SPAG16: variants seen among roughly 807,000 people sequenced by gnomAD.
The protein encoded by SPAG16 is sperm-associated antigen 16 protein.
SPAG16 carries 86 observed loss-of-function variants against 80.4 expected under a neutral mutation model. The observed-to-expected ratio is 1.07, with a 90% CI of 0.90 to 1.28. The LOEUF (loss-of-function observed/expected upper bound fraction) is 1.28, where lower values mean the gene tolerates loss of function less well. SPAG16 is among the 50% of genes most tolerant of loss of function. SPAG16 has a pLI of 0.00. For synonymous variants in SPAG16, 294 were observed against 265.9 expected (o/e 1.11, Z -1.03); for missense variants, 870 against 765.3 (o/e 1.14, Z -1.61).
chr2:213,691,995 A>T (rs1337457211), intron 10 of SPAG16, among the ~76,000 whole-genome samples: 1 of 152,246 alleles, frequency 6.6e-6, no homozygotes, highest in African/African-American at 2.4e-5. Flanking sequence ...TCCCAAAGCC[A>T]AAATGATAAA....
At chr2:213,954,464 TTATG>T (rs1214386617) in intron 12 of SPAG16, among the ~76,000 whole-genome samples, 3 of 152,108 alleles carry the variant, frequency 2.0e-5, no homozygotes, top group African/African-American at 7.2e-5. Flanking sequence ...TATGAAATAT[TTATG>T]TACAGGTTTT....
At chr2:213,350,679 C>CA in intron 7 of SPAG16, 34 bp downstream of exon 7, 2 of 1,217,246 alleles carry the variant, frequency 1.6e-6, no homozygotes, top group Non-Finnish European at 2.3e-6. Flanking sequence ...TTAAAATGAT[C>CA]TTTTAATCAT....
intron 4 of SPAG16, 138 bp from the exon 5 acceptor site, chr2:213,317,081 G>T (rs984986806): frequency 2.0e-6 from 1 of 504,652 alleles, no homozygotes; most frequent in East Asian, 2.9e-5. Context: ...ATGACTGTTG[G>T]ACATTTTAAC....
At chr2:214,144,124 G>C (rs916863531) in intron 14 of SPAG16, among the ~76,000 whole-genome samples, 2 of 151,992 alleles carry the variant, frequency 1.3e-5, no homozygotes, top group African/African-American at 2.4e-5. Context: ...TCCACCCTGG[G>C]CAACAGAACA....
chr2:213,759,519 C>G (rs926382177), intron 10 of SPAG16, among the ~76,000 whole-genome samples: 5 of 150,710 alleles, frequency 3.3e-5, no homozygotes, highest in Non-Finnish European at 7.4e-5. Context: ...TTTGAAGGAG[C>G]CGAGTTTTTA....
chr2:214,184,943 T>G (rs1017762095), intron 15 of SPAG16, among the ~76,000 whole-genome samples: 12 of 152,128 alleles, frequency 7.9e-5, no homozygotes, highest in Non-Finnish European at 1.6e-4. Context: ...TTAAAAATTT[T>G]TTTTTTGCTT....
rs867900282 is a variant in SPAG16 at position 214,006,729 on chromosome 2, G to A, written c.1401-7222G>A. ...TTCACCTTCCAAAGAAATTCTGAAT[G>A]GGCCTTCCTTCTCTGGCAGCTAATT... On this transcript the variant is annotated intron_variant, in intron 12 of 15. Transcript: ENST00000331683. Among the ~76,000 whole-genome samples, 10 of 152,274 alleles carry A rather than the reference G, an allele frequency of 6.6e-5. No individual in the cohort carries two copies. In the South Asian group the frequency reaches 1.2e-3, roughly 19 times the overall value.
chr2:213,593,026 A>G (rs1164983750), intron 10 of SPAG16, among the ~76,000 whole-genome samples: 1 of 151,680 alleles, frequency 6.6e-6, no homozygotes, highest in African/African-American at 2.4e-5. Flanking sequence ...TGAAATTTCT[A>G]TATTCTTGCT....
chr2:213,707,420 A>G (rs547507701), intron 10 of SPAG16, among the ~76,000 whole-genome samples: 1 of 152,308 alleles, frequency 6.6e-6, no homozygotes, highest in East Asian at 1.9e-4. Flanking sequence ...AGTTATTAGA[A>G]ATTCTCTTTC....
At chr2:213,822,072 G>A (rs912294418) in intron 10 of SPAG16, among the ~76,000 whole-genome samples, 10 of 152,124 alleles carry the variant, frequency 6.6e-5, no homozygotes, top group African/African-American at 2.4e-4. Context: ...CCCTAGTAGT[G>A]GGATTGCTGG....
intron 9 of SPAG16, among the ~76,000 whole-genome samples, chr2:213,448,106 G>A (rs761228991): frequency 2.0e-5 from 3 of 152,128 alleles, no homozygotes; most frequent in Admixed American, 6.6e-5. Context: ...TTCTCAACAG[G>A]GAATTTATCA....
At chr2:213,924,938 T>G (rs1341600458) in intron 11 of SPAG16, among the ~76,000 whole-genome samples, 2 of 152,110 alleles carry the variant, frequency 1.3e-5, no homozygotes, top group East Asian at 3.8e-4. Flanking sequence ...ATATATTAGA[T>G]GTTTATAATT....
At chr2:214,408,372 C>A (rs1181152697) in intron 15 of SPAG16, among the ~76,000 whole-genome samples, 1 of 152,044 alleles carries the variant, frequency 6.6e-6, no homozygotes, top group Admixed American at 6.6e-5. Context: ...GAAGTGAAAT[C>A]CATATGTAAT....
chr2:213,362,971 A>G (rs1033793625), intron 7 of SPAG16, among the ~76,000 whole-genome samples: 18 of 152,172 alleles, frequency 1.2e-4, no homozygotes, highest in Admixed American at 3.3e-4. Flanking sequence ...TATCCAAACT[A>G]TATCAGTCTG....
At chr2:213,938,811 G>A (rs998488168) in intron 12 of SPAG16, among the ~76,000 whole-genome samples, 5 of 151,836 alleles carry the variant, frequency 3.3e-5, no homozygotes, top group Non-Finnish European at 5.9e-5. Flanking sequence ...TTTTCTTATT[G>A]TTAAACTTAC....
chr2:213,656,896 A>G (rs919346163), intron 10 of SPAG16, among the ~76,000 whole-genome samples: 2 of 152,210 alleles, frequency 1.3e-5, no homozygotes, highest in Non-Finnish European at 2.9e-5. Flanking sequence ...AATCTGTTCC[A>G]TATCAAAGAA....
intron 15 of SPAG16, among the ~76,000 whole-genome samples, chr2:214,347,485 G>A (rs909271638): frequency 1.3e-5 from 2 of 152,084 alleles, no homozygotes; most frequent in Non-Finnish European, 1.5e-5. Context: ...ATTACCCTGG[G>A]GAATCCAGGT....
intron 9 of SPAG16, among the ~76,000 whole-genome samples, chr2:213,407,882 GCA>G (rs2068735587): frequency 2.6e-5 from 2 of 77,068 alleles, no homozygotes; most frequent in African/African-American, 3.7e-5. Context: ...GAGGAGAGAG[GCA>G]GAGAGAGAGA....
At chr2:213,508,484 AT>A (rs2075066465) in intron 10 of SPAG16, among the ~76,000 whole-genome samples, 1 of 152,178 alleles carries the variant, frequency 6.6e-6, no homozygotes, top group South Asian at 2.1e-4. Context: ...AGGCAGGAGA[AT>A]GGCGTGAACC....
Sources: allele counts gnomAD v4.1 joint callset (sites outside exome capture counted in the v4.1 genomes callset), GRCh38; gene constraint gnomAD v4.1.1; transcripts MANE v1.5; gene names NCBI Gene and HGNC (gene_info 2026-07-23, HGNC 2026-07-21).